PTPRD: variants seen among roughly 807,000 people sequenced by gnomAD.
PTPRD encodes protein tyrosine phosphatase receptor type D.
Under a neutral mutation model 214.5 loss-of-function variants are expected in PTPRD, and 34 were observed. That is an observed-to-expected ratio of 0.16 (90% CI 0.12 to 0.21). The LOEUF is 0.21. Ranked by LOEUF, PTPRD falls within the 10% of genes least tolerant of loss-of-function variation. The pLI is 1.00. For missense variants in PTPRD, 2,545 were observed against 2,398.7 expected (o/e 1.06, Z -1.27); for synonymous variants, 1,128 against 845.7 (o/e 1.33, Z -5.79).
At chr9:10,360,050 C>A (rs1028853237) in intron 2 of PTPRD, among the ~76,000 whole-genome samples, 1 of 152,136 alleles carries the variant, frequency 6.6e-6, no homozygotes, top group Non-Finnish European at 1.5e-5. Flanking sequence ...TCACGTTAGG[C>A]TTTTATTAAG....
chr9:10,566,605 T>C (rs1475006955), intron 2 of PTPRD, among the ~76,000 whole-genome samples: 2 of 152,062 alleles, frequency 1.3e-5, no homozygotes, highest in Non-Finnish European at 2.9e-5. Context: ...CTGTTACACA[T>C]ATTGGAAATA....
At chr9:8,408,225 C>T (rs1175281475) in intron 35 of PTPRD, among the ~76,000 whole-genome samples, 2 of 152,056 alleles carry the variant, frequency 1.3e-5, no homozygotes, top group African/African-American at 2.4e-5. Context: ...CCTGACCATG[C>T]ATCTTTTTTA....
At chr9:8,725,664 T>C (rs1455539386) in intron 12 of PTPRD, among the ~76,000 whole-genome samples, 1 of 152,176 alleles carries the variant, frequency 6.6e-6, no homozygotes, top group Non-Finnish European at 1.5e-5. Flanking sequence ...ATCCTATTAT[T>C]CAAAATGCTT....
At chr9:9,925,246 A>G (rs1228659468) in intron 5 of PTPRD, among the ~76,000 whole-genome samples, 1 of 152,128 alleles carries the variant, frequency 6.6e-6, no homozygotes, top group Non-Finnish European at 1.5e-5. Flanking sequence ...AAAATGTGAG[A>G]AAGTTCTTAT....
chr9:10,427,041 G>T (rs574499134), intron 2 of PTPRD, among the ~76,000 whole-genome samples: 2 of 151,928 alleles, frequency 1.3e-5, no homozygotes, highest in Admixed American at 1.3e-4. Context: ...GCTGCAAAGA[G>T]GTATTTTGGG....
chr9:8,412,650 T>G lies in PTPRD; in HGVS notation c.4087-7990A>C, dbSNP rs140012932. Among the ~76,000 whole-genome samples the G allele has an allele frequency of 1.6e-4, 24 of 152,298 alleles. No individual in the cohort carries two copies. The East Asian group carries it at 4.5e-3, about 28-fold the overall frequency. On this transcript the variant is annotated intron_variant, in intron 35 of 45. Transcript: ENST00000381196. ...CTACCCTGTGACTTGTATAAGAACA[T>G]CCCTGATAGAAGACTATCTTAGCCT...
intron 2 of PTPRD, among the ~76,000 whole-genome samples, chr9:10,559,943 A>G (rs1049801905): frequency 6.6e-6 from 1 of 152,068 alleles, no homozygotes; most frequent in Non-Finnish European, 1.5e-5. Context: ...AAATAGGAAC[A>G]CTTTTACACT....
At chr9:10,522,865 A>T (rs927852059) in intron 2 of PTPRD, among the ~76,000 whole-genome samples, 1 of 152,094 alleles carries the variant, frequency 6.6e-6, no homozygotes, top group Non-Finnish European at 1.5e-5. Context: ...AATATTAATT[A>T]TTTTATAGCA....
intron 11 of PTPRD, among the ~76,000 whole-genome samples, chr9:8,878,317 A>G (rs560776988): frequency 9.1e-4 from 139 of 152,208 alleles, no homozygotes; most frequent in African/African-American, 3.2e-3. Context: ...TGACTACTGT[A>G]CCCATTGTGC....
intron 9 of PTPRD, among the ~76,000 whole-genome samples, chr9:9,333,533 G>A (rs995234047): frequency 7.8e-6 from 1 of 128,942 alleles, no homozygotes; most frequent in East Asian, 2.0e-4. Context: ...TATAAAGTCT[G>A]CAATGCAATC....
At chr9:8,890,946 G>A (rs7867067) in intron 11 of PTPRD, among the ~76,000 whole-genome samples, 112,352 of 151,968 alleles carry the variant, frequency 0.74, 41,678 homozygotes, top group East Asian at 0.89. Flanking sequence ...ACCAGGTTCA[G>A]CTGCCTTTTA....
chr9:8,883,223 T>C (rs1054064619), intron 11 of PTPRD, among the ~76,000 whole-genome samples: 2 of 152,174 alleles, frequency 1.3e-5, no homozygotes, highest in African/African-American at 4.8e-5. Context: ...CCAATGGCCA[T>C]GGTGGTTAAA....
chr9:10,413,581 C>A (rs2098458539), intron 2 of PTPRD, among the ~76,000 whole-genome samples: 1 of 151,916 alleles, frequency 6.6e-6, no homozygotes, highest in South Asian at 2.1e-4. Context: ...TTACCAATGG[C>A]ATTCTTCAAA....
chr9:9,097,317 G>A (rs117582171), intron 10 of PTPRD, among the ~76,000 whole-genome samples: 107 of 152,178 alleles, frequency 7.0e-4, no homozygotes, highest in South Asian at 1.2e-3. Context: ...AAGGTTTTTG[G>A]GGTACTAAAC....
intron 44 of PTPRD, among the ~76,000 whole-genome samples, chr9:8,327,228 G>GTCTT (rs1328237317): frequency 6.6e-6 from 1 of 151,736 alleles, no homozygotes; most frequent in Admixed American, 6.6e-5. Context: ...GGTACATTGT[G>GTCTT]TCTTTGTTCT....
chr9:10,595,810 T>C (rs891863802), intron 2 of PTPRD, among the ~76,000 whole-genome samples: 2 of 151,638 alleles, frequency 1.3e-5, no homozygotes, highest in Admixed American at 1.3e-4. Context: ...CCATTATATA[T>C]CAGAGTACTT....
intron 9 of PTPRD, among the ~76,000 whole-genome samples, chr9:9,302,672 A>AT (rs538801998): frequency 1.1e-4 from 9 of 79,312 alleles, no homozygotes; most frequent in South Asian, 1.1e-3. Context: ...GACTTTCATT[A>AT]TTTTTTTAAT....
At chr9:10,567,087 T>C (rs1399412455) in intron 2 of PTPRD, among the ~76,000 whole-genome samples, 4 of 152,092 alleles carry the variant, frequency 2.6e-5, no homozygotes, top group Admixed American at 1.3e-4. Context: ...CTTTTCTCTC[T>C]CCTAGTATTT....
At chr9:9,458,043 G>T (rs1189580670) in intron 8 of PTPRD, among the ~76,000 whole-genome samples, 2 of 152,114 alleles carry the variant, frequency 1.3e-5, no homozygotes, top group East Asian at 3.9e-4. Flanking sequence ...AATTTGGTGA[G>T]ACAATTATGC....
Sources: allele counts gnomAD v4.1 joint callset (sites outside exome capture counted in the v4.1 genomes callset), GRCh38; gene constraint gnomAD v4.1.1; transcripts MANE v1.5; gene names NCBI Gene and HGNC (gene_info 2026-07-23, HGNC 2026-07-21).